NKD1: variants seen among roughly 807,000 people sequenced by gnomAD.
NKD1 encodes NKD inhibitor of Wnt signaling pathway 1, also known as protein naked cuticle homolog 1.
NKD1 carries 21 observed loss-of-function variants against 56.0 expected under a neutral mutation model. That is an observed-to-expected ratio of 0.38 (90% confidence interval 0.27 to 0.54). The LOEUF (loss-of-function observed/expected upper bound fraction) is 0.54. Among genes scored for constraint, NKD1 ranks in the 20% least tolerant of loss-of-function variants. The pLI is 0.82. For missense variants in NKD1, 578 were observed against 642.7 expected (o/e 0.90, Z 1.09); for synonymous variants, 263 against 265.7 (o/e 0.99, Z 0.10).
chr16:50,590,465 G>A (rs1416118016), intron 3 of NKD1, among the ~76,000 whole-genome samples: 1 of 152,202 alleles, frequency 6.6e-6, no homozygotes, highest in East Asian at 1.9e-4. Context: ...CATTACAAGT[G>A]TGTCTTTATG....
chr16:50,617,435 A>C (rs960345922), intron 4 of NKD1, among the ~76,000 whole-genome samples: 1 of 152,194 alleles, frequency 6.6e-6, no homozygotes, highest in Admixed American at 6.5e-5. Context: ...ATTCTGTTTA[A>C]TGCTGTCTGA....
At chr16:50,625,332 G>A (rs1962185026) in intron 5 of NKD1, 153 bp from the exon 6 acceptor site, 3 of 643,984 alleles carry the variant, frequency 4.7e-6, no homozygotes, top group East Asian at 5.4e-5. Context: ...GGCCAGTTCT[G>A]TCTTGGCCAA....
intron 3 of NKD1, chr16:50,562,354 A>C (rs984765047): frequency 1.1e-4 from 83 of 775,834 alleles, no homozygotes; most frequent in Non-Finnish European, 1.3e-4. Context: ...GTACACTGTC[A>C]AGGACTATTT....
At chr16:50,613,284 A>T (rs1304506471) in intron 4 of NKD1, among the ~76,000 whole-genome samples, 1 of 151,914 alleles carries the variant, frequency 6.6e-6, no homozygotes, top group African/African-American at 2.4e-5. Context: ...GGCAAGAAAC[A>T]GAGAGAGAGA....
chr16:50,556,736 T>G (rs561994590), intron 3 of NKD1: 2 of 151,168 alleles, frequency 1.3e-5, no homozygotes, highest in South Asian at 2.1e-4. Context: ...GGGTTTTTTT[T>G]TTTTTTTTTT....
At chr16:50,596,906 G>A (rs1961484874) in intron 3 of NKD1, among the ~76,000 whole-genome samples, 1 of 152,234 alleles carries the variant, frequency 6.6e-6, no homozygotes, top group South Asian at 2.1e-4. Context: ...AACAGCGTGT[G>A]TGAAGACCCT....
chr16:50,568,064 GA>G (rs1378328107), intron 3 of NKD1, among the ~76,000 whole-genome samples: 4 of 152,384 alleles, frequency 2.6e-5, no homozygotes, highest in African/African-American at 9.6e-5. Context: ...CGTTCTGTGG[GA>G]GGAAAATATG....
chr16:50,625,404 G>A (rs931731593), intron 5 of NKD1, 81 bp from the exon 6 acceptor site: 19 of 986,984 alleles, frequency 1.9e-5, no homozygotes, highest in Non-Finnish European at 2.9e-5. Context: ...CCCTTGGCCT[G>A]GCCTCTAGGC....
chr16:50,628,521 G>A (rs1962273218), intron 6 of NKD1, among the ~76,000 whole-genome samples: 1 of 152,180 alleles, frequency 6.6e-6, no homozygotes, highest in Non-Finnish European at 1.5e-5. Context: ...GCCATTTAAA[G>A]CAGGACATTG....
intron 3 of NKD1, among the ~76,000 whole-genome samples, chr16:50,569,084 A>C (rs1960827334): frequency 6.6e-6 from 1 of 152,228 alleles, no homozygotes; most frequent in African/African-American, 2.4e-5. Flanking sequence ...GCTTTGGAAC[A>C]GCATCCAGGT....
rs535893221 is a variant in NKD1 at position 50,623,123 on chromosome 16, G to A, written c.366+1415G>A. On this transcript the variant is annotated intron_variant, in intron 5 of 9. Coordinates refer to ENST00000268459, the MANE Select transcript of NKD1 (RefSeq NM_033119.5). The surrounding 1 kb of genome is among the most constrained non-coding windows in gnomAD (Gnocchi z 4.1). ...CAGGAGCAAAGGCCTGGAGGCTGAA[G>A]TGCCGGCGTGCTGTGTGGAGAGAGT... Among the ~76,000 whole-genome samples, 1 of 152,268 alleles carries A rather than the reference G, an allele frequency of 6.6e-6. No homozygotes were observed. The highest frequency in any genetic ancestry group is 1.9e-4 in the East Asian group (1 of 5,150).
chr16:50,584,919 C>T (rs888116814), intron 3 of NKD1, among the ~76,000 whole-genome samples: 4 of 152,194 alleles, frequency 2.6e-5, no homozygotes, highest in Admixed American at 6.5e-5. Flanking sequence ...CGTAATGAGG[C>T]CCAGGCGCCC....
chr16:50,567,385 G>A (rs745534929), intron 3 of NKD1, among the ~76,000 whole-genome samples: 6 of 152,148 alleles, frequency 3.9e-5, no homozygotes, highest in Admixed American at 6.5e-5. Context: ...CGTGATTGCC[G>A]TTTGTCAGAA....
At chr16:50,583,200 A>G (rs1182036011) in intron 3 of NKD1, among the ~76,000 whole-genome samples, 1 of 152,088 alleles carries the variant, frequency 6.6e-6, no homozygotes. Flanking sequence ...GCTTTAACCA[A>G]CAGAGGCAGT....
chr16:50,571,508 C>G (rs181830742), intron 3 of NKD1: 1 of 985,410 alleles, frequency 1.0e-6, no homozygotes, highest in African/African-American at 1.7e-5. Flanking sequence ...GCCTTCCCCA[C>G]CAACTCTTGA....
At position 50,632,739 on chromosome 16, in the gene NKD1, C is replaced by T. The variant is rs1258082677; in HGVS notation, c.823+331C>T. Among the ~76,000 whole-genome samples the T allele has an allele frequency of 2.0e-5, 3 of 151,408 alleles. No individual in the cohort carries two copies. Among genetic ancestry groups the T allele is most frequent in the South Asian group, 2.1e-4 (1 of 4,746 alleles). ...TGGCTGTTTCTTCCAGCAAGAACCT[C>T]GGTTTCCCTAAGTACAGCACTACTG... On this transcript the variant is annotated intron_variant, in intron 9 of 9. Coordinates refer to ENST00000268459, the MANE Select transcript of NKD1 (RefSeq NM_033119.5). The surrounding 1 kb of genome is among the most constrained non-coding windows in gnomAD (Gnocchi z 4.1).
intron 4 of NKD1, among the ~76,000 whole-genome samples, chr16:50,609,762 A>G (rs1012993037): frequency 6.6e-6 from 1 of 152,182 alleles, no homozygotes; most frequent in African/African-American, 2.4e-5. Flanking sequence ...AGTTGGAGGC[A>G]GGCTGGAGAG....
intron 3 of NKD1, chr16:50,573,895 AAAC>A (rs1330231956): frequency 1.0e-6 from 1 of 985,292 alleles, no homozygotes. Flanking sequence ...GAGCTGGCAC[AAAC>A]AACAGCTGTT....
chr16:50,622,666 C>T (rs969174339), intron 5 of NKD1, among the ~76,000 whole-genome samples: 1 of 152,190 alleles, frequency 6.6e-6, no homozygotes, highest in South Asian at 2.1e-4. Flanking sequence ...TGATGTCTGT[C>T]GCATTGGGCT....
Sources: allele counts gnomAD v4.1 joint callset (sites outside exome capture counted in the v4.1 genomes callset), GRCh38; gene constraint gnomAD v4.1.1; non-coding constraint Gnocchi (gnomAD v3.1); transcripts MANE v1.5; gene names NCBI Gene and HGNC (gene_info 2026-07-23, HGNC 2026-07-21).